Variants in KCMF1 observed in about 807,000 individuals in gnomAD.
KCMF1 encodes E3 ubiquitin-protein ligase KCMF1.
KCMF1 carries 3 observed loss-of-function variants against 41.1 expected under a neutral mutation model. The observed-to-expected ratio is 0.07, with a 90% confidence interval of 0.03 to 0.19. The LOEUF is 0.19. KCMF1 is among the 10% of genes least tolerant of loss of function. The pLI is 1.00. For missense variants in KCMF1, 286 were observed against 488.9 expected, an observed-to-expected ratio of 0.58 and a Z score of 3.91; for synonymous variants, 142 against 164.5, an observed-to-expected ratio of 0.86 and a Z score of 1.04.
intron 1 of KCMF1, among the ~76,000 whole-genome samples, chr2:84,985,216 C>T (rs80186377): frequency 0.02 from 3,116 of 152,208 alleles, 98 homozygotes; most frequent in African/African-American, 0.071. Context: ...TGGCGTAGTT[C>T]GAGCCAGATC....
Position 84,973,056 on chromosome 2 carries a change from G to T in KCMF1, c.16+1589G>T, listed in dbSNP as rs79508836. Among the ~76,000 whole-genome samples the T allele has an allele frequency of 1.9e-3, 282 of 152,286 alleles. 1 individual carries two copies. The highest frequency in any genetic ancestry group is 6.5e-3 in the African/African-American group (272 of 41,562). On this transcript the variant is annotated intron_variant, in intron 1 of 6. Transcript: ENST00000409785. ...TCAGTTTTCAATTTGGGATATTAAA[G>T]TTTATCTTAAACTGTAGTCCTGTGT...
At chr2:85,000,442 C>A (rs773003595) in intron 1 of KCMF1, among the ~76,000 whole-genome samples, 4 of 152,140 alleles carry the variant, frequency 2.6e-5, no homozygotes, top group Non-Finnish European at 4.4e-5. Flanking sequence ...ATTTTTTAAT[C>A]TCAATAAAAT....
At chr2:85,040,086 G>A (rs1210568985) in intron 3 of KCMF1, among the ~76,000 whole-genome samples, 2 of 152,136 alleles carry the variant, frequency 1.3e-5, no homozygotes, top group African/African-American at 4.8e-5. Flanking sequence ...AAAGTGCTGC[G>A]ATTGTAGGCG....
chr2:85,003,244 C>A (rs6737387), intron 1 of KCMF1, among the ~76,000 whole-genome samples: 1 of 151,886 alleles, frequency 6.6e-6, no homozygotes, highest in Non-Finnish European at 1.5e-5. Context: ...GAGGCCAAGG[C>A]GGGCAGATAA....
At chr2:85,024,450 G>A (rs1369338891) in intron 1 of KCMF1, among the ~76,000 whole-genome samples, 1 of 152,092 alleles carries the variant, frequency 6.6e-6, no homozygotes, top group Non-Finnish European at 1.5e-5. Flanking sequence ...TCCAGCCCCG[G>A]CGACAGAGTG....
At chr2:84,999,211 C>T (rs893167628) in intron 1 of KCMF1, among the ~76,000 whole-genome samples, 31 of 152,010 alleles carry the variant, frequency 2.0e-4, no homozygotes, top group Admixed American at 1.3e-3. Flanking sequence ...AGTGCAGTGG[C>T]GTGATCTCTG....
intron 2 of KCMF1, among the ~76,000 whole-genome samples, chr2:85,028,651 G>C (rs1009631240): frequency 6.6e-6 from 1 of 151,674 alleles, no homozygotes; most frequent in South Asian, 2.1e-4. Context: ...CACCATGCCC[G>C]GCTGATTTTT....
At chr2:84,971,967 T>C (rs1001332296) in intron 1 of KCMF1, 1 of 151,898 alleles carries the variant, frequency 6.6e-6, no homozygotes, top group African/African-American at 2.4e-5. Context: ...CGACGGCGAG[T>C]GTCCCCGCCT....
chr2:85,046,491 T>G (rs187797010), intron 5 of KCMF1, among the ~76,000 whole-genome samples: 10 of 151,950 alleles, frequency 6.6e-5, no homozygotes, highest in Admixed American at 2.0e-4. Flanking sequence ...TTAGCCAGAT[T>G]TGGTGGTGGG....
chr2:85,054,573 TG>T lies in KCMF1; in HGVS notation c.*1167del, dbSNP rs1169730881. On this transcript the variant is annotated 3_prime_UTR_variant, in exon 7 of 7. Transcript: ENST00000409785. ...TGTAAAAAAAATGTACAGCTTTTTT[TG>T]GGTTTGTTTTGGGGTTTGGAAGGGC... 6.6e-6 allele frequency: 1 copy of T among 152,148 alleles called. No homozygotes were observed. The highest frequency in any genetic ancestry group is 2.4e-5 in the African/African-American group (1 of 41,410). The allele number at this position is 152,148 out of a possible 1,614,324, so 9.4% of individuals were successfully genotyped here. A position where few individuals can be genotyped will look rare whatever the true frequency, so the allele number is the denominator to read the frequency against.
At chr2:85,008,317 AT>A (rs1157102284) in intron 1 of KCMF1, among the ~76,000 whole-genome samples, 19 of 81,180 alleles carry the variant, frequency 2.3e-4, no homozygotes, top group East Asian at 5.3e-4. Flanking sequence ...TATGATATAT[AT>A]ATCATATATA....
chr2:85,020,777 T>C (rs1427817900), intron 1 of KCMF1, among the ~76,000 whole-genome samples: 3 of 152,238 alleles, frequency 2.0e-5, no homozygotes, highest in Non-Finnish European at 4.4e-5. Context: ...TCCATCTCTT[T>C]GCTCAGGTAT....
At chr2:84,997,032 CTGTA>C (rs981579969) in intron 1 of KCMF1, among the ~76,000 whole-genome samples, 1 of 152,160 alleles carries the variant, frequency 6.6e-6, no homozygotes, top group Non-Finnish European at 1.5e-5. Context: ...AGAATAATAA[CTGTA>C]TGTAAACATA....
chr2:85,045,245 C>CAT (rs551733035), intron 4 of KCMF1, among the ~76,000 whole-genome samples: 14,853 of 150,986 alleles, frequency 0.098, 914 homozygotes, highest in East Asian at 0.33. Context: ...TCTCAAGATA[C>CAT]ATATATATAT....
Position 84,971,422 on chromosome 2 carries a change from A to C in KCMF1, c.-30A>C. The C allele has an allele frequency of 1.7e-6, 2 of 1,200,078 alleles. No individual in the cohort carries two copies. Among genetic ancestry groups the C allele is most frequent in the Non-Finnish European group, 1.1e-6 (1 of 950,920 alleles). 74.3% of individuals were successfully genotyped at this position (1,200,078 alleles called of 1,614,324 possible). A position where few individuals can be genotyped will look rare whatever the true frequency, so the allele number is the denominator to read the frequency against. On this transcript the variant is annotated 5_prime_UTR_variant, in exon 1 of 7. Coordinates refer to ENST00000409785, the MANE Select transcript of KCMF1 (RefSeq NM_020122.5). ...GGGGACACTGCAGCCGGAGCCCGGGAGGGGCCGCGCCGCCACCGTCTGAAC... is the reference window on the plus strand; with the variant it reads ...GGGGACACTGCAGCCGGAGCCCGGGCGGGGCCGCGCCGCCACCGTCTGAAC...
chr2:85,041,583 C>A (rs1365467466), intron 3 of KCMF1, among the ~76,000 whole-genome samples: 2 of 152,178 alleles, frequency 1.3e-5, no homozygotes, highest in East Asian at 3.9e-4. Flanking sequence ...AAGAAAGATG[C>A]CTTTTCCTTT....
chr2:84,979,522 T>TAA (rs11406108), intron 1 of KCMF1, among the ~76,000 whole-genome samples: 10,670 of 141,632 alleles, frequency 0.075, 511 homozygotes, highest in African/African-American at 0.13. Flanking sequence ...AAATTCTGTC[T>TAA]AAAAAAAAAA....
At position 85,049,638 on chromosome 2, in the gene KCMF1, C is replaced by A. The variant is rs768416725; in HGVS notation, c.874C>A (p.Leu292Ile). The A allele has an allele frequency of 3.7e-6, 6 of 1,611,326 alleles. No individual in the cohort carries two copies. Among genetic ancestry groups the A allele is most frequent in the South Asian group, 1.1e-5 (1 of 90,940 alleles). ...SQQTLQNSQFLLTRLNDPKMS... is the reference protein window; with the variant it reads ...SQQTLQNSQFILTRLNDPKMS... ...GCAGACTCTACAGAATTCCCAGTTT[C>A]TTTTAACAAGGTAGCTCATTTGTTA... Residue 292 changes from leucine (L) to isoleucine (I), a missense_variant, in exon 6 of 7, where the codon CTT becomes ATT. Leu to Ile is a conservative substitution (Grantham distance 5, BLOSUM62 2). Transcript: ENST00000409785.
intron 1 of KCMF1, among the ~76,000 whole-genome samples, chr2:84,978,338 A>G (rs1673605844): frequency 6.6e-6 from 1 of 152,170 alleles, no homozygotes; most frequent in Non-Finnish European, 1.5e-5. Context: ...TCACAGTAGC[A>G]GCTTATGAAA....
Sources: allele counts gnomAD v4.1 joint callset (sites outside exome capture counted in the v4.1 genomes callset), GRCh38; gene constraint gnomAD v4.1.1; transcripts MANE v1.5; gene names NCBI Gene and HGNC (gene_info 2026-07-23, HGNC 2026-07-21).